The following WEE2 variants were observed in gnomAD, a reference collection of about 807,000 sequenced individuals.
WEE2 encodes the protein WEE2 oocyte meiosis inhibiting kinase.
WEE2 carries 50 observed loss-of-function variants against 60.1 expected under a neutral mutation model. The observed-to-expected ratio is 0.83, with a 90% CI of 0.66 to 1.05. The LOEUF (loss-of-function observed/expected upper bound fraction) is 1.05. Ranked by LOEUF, WEE2 falls within the 50% of genes least tolerant of loss-of-function variation. The probability of loss-of-function intolerance (pLI) is 0.00; values close to 1 mark genes in which losing one functional copy is unlikely to be tolerated. For missense variants in WEE2, 631 were observed against 684.3 expected (o/e 0.92, Z 0.87); for synonymous variants, 240 against 241.0 (o/e 1.00, Z 0.04).
intron 9 of WEE2, chr7:141,727,070 C>G (rs900455163): frequency 2.3e-6 from 1 of 436,326 alleles, no homozygotes; most frequent in South Asian, 6.8e-5. Flanking sequence ...GTTAGCCAGC[C>G]AGCTCCAAAA....
chr7:141,709,115 G>A lies in WEE2; in HGVS notation c.342+15G>A, dbSNP rs1798670588. On this transcript the variant is annotated intron_variant, in intron 1 of 11. Coordinates refer to ENST00000397541, the MANE Select transcript of WEE2 (RefSeq NM_001105558.1). Reference sequence around the variant, plus strand: ...CTACTCCCAAAGTAAGTAAGGGGTGGGGGAAAAAGGGACGCAGGTCGCCAA... The same window carrying A: ...CTACTCCCAAAGTAAGTAAGGGGTGAGGGAAAAAGGGACGCAGGTCGCCAA... 1.2e-6 allele frequency: 2 copies of A among 1,602,638 alleles called. No individual in the cohort carries two copies. The highest frequency in any genetic ancestry group is 1.7e-6 in the Non-Finnish European group (2 of 1,173,458).
intron 10 of WEE2, among the ~76,000 whole-genome samples, chr7:141,728,952 G>A (rs1293808980): frequency 6.6e-6 from 1 of 152,184 alleles, no homozygotes; most frequent in Non-Finnish European, 1.5e-5. Flanking sequence ...CCCCACCCAT[G>A]GAAAAACTGT....
chr7:141,723,176 G>C lies in WEE2; in HGVS notation c.923G>C (p.Gly308Ala), dbSNP rs752511387. 6.2e-7 allele frequency: 1 copy of C among 1,614,138 alleles called. No homozygotes were observed. The highest frequency in any genetic ancestry group is 1.1e-5 in the South Asian group (1 of 91,078). Residue 308 changes from glycine to alanine, a missense_variant, in exon 6 of 12, where the codon GGC (glycine) becomes GCC (alanine). Physicochemically the swap from Gly to Ala is moderately conservative, Grantham distance 60. Transcript: ENST00000397541. ...QAAISENTKS[G>A]NHFEEPKLKD... is the part of the protein sequence containing the mutation. Reference sequence around the variant, plus strand: ...GCTATATCTGAAAACACTAAGTCTGGCAATCATTTTGAAGAGCCAAAACTC... The same window carrying C: ...GCTATATCTGAAAACACTAAGTCTGCCAATCATTTTGAAGAGCCAAAACTC...
chr7:141,719,138 A>G lies in WEE2; in HGVS notation c.652A>G (p.Ile218Val). 5.0e-6 allele frequency: 8 copies of G among 1,614,112 alleles called. No homozygotes were observed. Among genetic ancestry groups the G allele is most frequent in the Non-Finnish European group, 6.8e-6 (8 of 1,179,984 alleles). ...AAAAGAATTCTTGGAGGTTGAAAAA[A>G]TTGGGGTTGGCGAATTTGGTACAGT... ...YEKEFLEVEK[I>V]GVGEFGTVYK... The change falls in exon 4 of 12, where the codon ATT becomes GTT. Residue 218 changes from isoleucine to valine, a missense_variant. Transcript: ENST00000397541.
intron 11 of WEE2, 46 bp downstream of exon 11, chr7:141,729,719 T>C (rs1361672599): frequency 3.2e-6 from 5 of 1,579,630 alleles, no homozygotes; most frequent in Non-Finnish European, 4.3e-6. Flanking sequence ...CCGGGCGTGG[T>C]GGCTCACGCC....
intron 4 of WEE2, among the ~76,000 whole-genome samples, chr7:141,720,256 A>G (rs977190944): frequency 2.8e-5 from 4 of 143,478 alleles, no homozygotes; most frequent in African/African-American, 1.0e-4. Flanking sequence ...CCCAGGTTGA[A>G]GTGATTCTCC....
intron 10 of WEE2, 98 bp from the exon 11 acceptor site, chr7:141,729,433 A>G: frequency 4.6e-6 from 7 of 1,532,374 alleles, no homozygotes; most frequent in Non-Finnish European, 5.4e-6. Flanking sequence ...TTCTGTAAAT[A>G]CTGAAACAAG....
At position 141,727,702 on chromosome 7, in the gene WEE2, A is replaced by AAAG. The variant is rs553008863; in HGVS notation, c.1535+258_1535+259insGAA. ...GGAAGCAAGAGTGAGGAATATAAGGAAATACCAGTAAAGAAAACTTAGGAT... is the reference window on the plus strand; with the variant it reads ...GGAAGCAAGAGTGAGGAATATAAGGAAAGAATACCAGTAAAGAAAACTTAGGAT... On this transcript the variant is annotated intron_variant, in intron 10 of 11. Transcript: ENST00000397541. 305 of 418,586 alleles carry AAAG rather than the reference A, an allele frequency of 7.3e-4. 2 individuals carry two copies. The highest frequency in any genetic ancestry group is 5.5e-3 in the African/African-American group (274 of 49,998). 25.9% of individuals were successfully genotyped at this position (418,586 alleles called of 1,614,324 possible). A position where few individuals can be genotyped will look rare whatever the true frequency, so the allele number is the denominator to read the frequency against.
At chr7:141,729,509 C>G (rs759464847) in intron 10 of WEE2, 22 bp from the exon 11 acceptor site, 1 of 1,614,170 alleles carries the variant, frequency 6.2e-7, no homozygotes, top group East Asian at 2.2e-5. Context: ...GTAGCCTTTG[C>G]TTTTTCTCCC....
At chr7:141,722,927 C>G (rs939042955) in intron 5 of WEE2, among the ~76,000 whole-genome samples, 1 of 152,176 alleles carries the variant, frequency 6.6e-6, no homozygotes, top group Non-Finnish European at 1.5e-5. Context: ...CCGAAGTAAT[C>G]TATTCGTTGG....
At chr7:141,724,334 G>A (rs1162901672) in intron 8 of WEE2, 59 bp downstream of exon 8, 1 of 1,460,078 alleles carries the variant, frequency 6.8e-7, no homozygotes, top group Non-Finnish European at 9.4e-7. Context: ...ACTCTCAAAT[G>A]GAGGATCTCA....
At chr7:141,718,000 A>C (rs1024212183) in intron 3 of WEE2, among the ~76,000 whole-genome samples, 1 of 152,194 alleles carries the variant, frequency 6.6e-6, no homozygotes, top group African/African-American at 2.4e-5. Flanking sequence ...TCATTTTGCA[A>C]AAATAATTCT....
At position 141,711,936 on chromosome 7, in the gene WEE2, A is replaced by G. The variant is rs1798716416; in HGVS notation, c.343-2273A>G. Reference sequence around the variant, plus strand: ...AGTGTCAGGCTCATTTTAAACAACCAGATCTGGTGTGAACTAACAAAGTGA... The same window carrying G: ...AGTGTCAGGCTCATTTTAAACAACCGGATCTGGTGTGAACTAACAAAGTGA... On this transcript the variant is annotated intron_variant, in intron 1 of 11. Transcript: ENST00000397541. The surrounding 1 kb of genome is among the most constrained non-coding windows in gnomAD (Gnocchi z 4.2). 1 of 152,208 alleles carries G rather than the reference A, an allele frequency of 6.6e-6. No individual in the cohort carries two copies. The highest frequency in any genetic ancestry group is 1.5e-5 in the Non-Finnish European group (1 of 68,036). 9.4% of individuals were successfully genotyped at this position (152,208 alleles called of 1,614,324 possible).
chr7:141,711,454 T>C lies in WEE2; in HGVS notation c.342+2354T>C, dbSNP rs550352471. On this transcript the variant is annotated intron_variant, in intron 1 of 11. Transcript: ENST00000397541. This position sits in a 1 kb window ranked among gnomAD's most constrained non-coding sequence, Gnocchi z 4.2. The stretch of plus-strand genomic sequence containing the variant: ...GGAAAGAGGCTTGATGGCTGATCAT[T>C]GTTATGCAGAAGACAAAGCTGCATG... Among the ~76,000 whole-genome samples the C allele has an allele frequency of 6.6e-6, 1 of 152,166 alleles. No homozygotes were observed. Among genetic ancestry groups the C allele is most frequent in the Non-Finnish European group, 1.5e-5 (1 of 68,012 alleles).
chr7:141,715,792 G>T (rs1798783879), intron 2 of WEE2, among the ~76,000 whole-genome samples: 1 of 152,182 alleles, frequency 6.6e-6, no homozygotes, highest in East Asian at 1.9e-4. Flanking sequence ...TCTGCCACTT[G>T]CTAATTGTTT....
At chr7:141,720,528 G>C (rs1401298510) in intron 4 of WEE2, among the ~76,000 whole-genome samples, 2 of 152,140 alleles carry the variant, frequency 1.3e-5, no homozygotes, top group African/African-American at 4.8e-5. Flanking sequence ...CTGGTGTACA[G>C]TGGCCTTCTC....
Position 141,714,325 on chromosome 7 carries a change from C to T in WEE2, c.459C>T (p.Val153=), listed in dbSNP as rs765981089. 1.2e-6 allele frequency: 2 copies of T among 1,613,834 alleles called. No homozygotes were observed. Among genetic ancestry groups the T allele is most frequent in the Non-Finnish European group, 1.7e-6 (2 of 1,179,838 alleles). Residue 153 remains valine, a synonymous_variant, in exon 2 of 12, where the codon GTC becomes GTT. Transcript: ENST00000397541. The part of the protein sequence containing the change: ...LKDEMTSLAL[V]NINPFTPESY... The stretch of plus-strand genomic sequence containing the variant: ...ATGAGATGACCTCATTGGCTCTGGT[C>T]AATATTAATCCCTTCACTCCAGAGT...
At chr7:141,725,608 G>A (rs1291963350) in intron 9 of WEE2, among the ~76,000 whole-genome samples, 1 of 134,458 alleles carries the variant, frequency 7.4e-6, no homozygotes, top group Non-Finnish European at 1.5e-5. Flanking sequence ...CTGGGCGACA[G>A]AGCGAGACTC....
chr7:141,708,372 C>T lies in WEE2; in HGVS notation c.-387C>T, dbSNP rs539445148. On this transcript the variant is annotated 5_prime_UTR_variant, in exon 1 of 12. Coordinates refer to ENST00000397541, the MANE Select transcript of WEE2 (RefSeq NM_001105558.1). ...GAAAATAATTTCTTTTCAATATTAG[C>T]TTATTCCCAAATTGGCTAATGGGTA... 15 of 187,214 alleles carry T rather than the reference C, an allele frequency of 8.0e-5. No individual in the cohort carries two copies. The highest frequency in any genetic ancestry group is 1.6e-4 in the Non-Finnish European group (14 of 90,146). The allele number at this position is 187,214 out of a possible 1,614,324, so 11.6% of individuals were successfully genotyped here. A position where few individuals can be genotyped will look rare whatever the true frequency, so the allele number is the denominator to read the frequency against.
Sources: gnomAD v4.1 joint callset for allele counts (sites outside exome capture counted in the v4.1 genomes callset) on GRCh38, gnomAD v4.1.1 for gene constraint, Gnocchi (gnomAD v3.1) non-coding constraint, MANE v1.5 for transcripts, NCBI Gene and HGNC (gene_info 2026-07-23, HGNC 2026-07-21) for gene names.